The following SAR1B variants were observed in gnomAD, a reference collection of about 807,000 sequenced individuals.
The protein encoded by SAR1B is secretion associated Ras related GTPase 1B, also known as small COPII coat GTPase SAR1B.
SAR1B carries 23 observed loss-of-function variants against 26.8 expected under a neutral mutation model. That is an observed-to-expected ratio of 0.86 (90% CI 0.62 to 1.22). The LOEUF is 1.22. Among genes scored for constraint, SAR1B ranks in the 50% most tolerant of loss-of-function variants. The pLI is 0.00. For synonymous variants in SAR1B, 65 were observed against 80.8 expected (o/e 0.80, Z 1.05); for missense variants, 196 against 232.8 (o/e 0.84, Z 1.03).
intron 4 of SAR1B, among the ~76,000 whole-genome samples, chr5:134,611,339 C>T (rs910878057): frequency 6.6e-6 from 1 of 152,144 alleles, no homozygotes; most frequent in African/African-American, 2.4e-5. Context: ...TATGTCGCAT[C>T]AGGTTTTTAG....
chr5:134,609,911 A>T (rs1199009498), intron 4 of SAR1B, among the ~76,000 whole-genome samples: 1 of 151,716 alleles, frequency 6.6e-6, no homozygotes, highest in African/African-American at 2.4e-5. Context: ...TCCAATTATC[A>T]TATGTAAGGA....
At position 134,601,348 on chromosome 5, in the gene SAR1B, T is replaced by A. The variant is rs1461807740; in HGVS notation, c.*5602A>T. ...TATAAATTATCCTTAATAATCTGTATACACTGTAAAACAATTGAAAATTCA... is the reference window on the plus strand; with the variant it reads ...TATAAATTATCCTTAATAATCTGTAAACACTGTAAAACAATTGAAAATTCA... On this transcript the variant is annotated 3_prime_UTR_variant, in exon 7 of 7. Coordinates refer to ENST00000402673, the MANE Select transcript of SAR1B (RefSeq NM_016103.4). 6.6e-6 allele frequency: 1 copy of A among 152,184 alleles called. No homozygotes were observed. Among genetic ancestry groups the A allele is most frequent in the South Asian group, 2.1e-4 (1 of 4,834 alleles). 9.4% of individuals were successfully genotyped at this position (152,184 alleles called of 1,614,324 possible). A position where few individuals can be genotyped will look rare whatever the true frequency, so the allele number is the denominator to read the frequency against.
intron 3 of SAR1B, among the ~76,000 whole-genome samples, chr5:134,615,510 G>A (rs925153521): frequency 4.6e-4 from 69 of 150,360 alleles, no homozygotes; most frequent in African/African-American, 1.5e-3. Context: ...GAGAGATTCT[G>A]TCTGAAAATA....
intron 3 of SAR1B, among the ~76,000 whole-genome samples, chr5:134,617,996 A>G (rs1346129319): frequency 6.6e-6 from 1 of 151,648 alleles, no homozygotes; most frequent in Non-Finnish European, 1.5e-5. Context: ...TTACTTGCCA[A>G]GCCCCACTTT....
rs545392998 is a variant in SAR1B, at chr5:134,601,374, C to T, written c.*5576G>A. 1.3e-5 allele frequency: 2 copies of T among 152,248 alleles called. No individual in the cohort carries two copies. The highest frequency in any genetic ancestry group is 2.1e-4 in the South Asian group (1 of 4,828). The allele number at this position is 152,248 out of a possible 1,614,324, so 9.4% of individuals were successfully genotyped here. Reference sequence around the variant, plus strand: ...ACACTGTAAAACAATTGAAAATTCACACCAAGATCCTAGTGCAAGCAGTGG... The same window carrying T: ...ACACTGTAAAACAATTGAAAATTCATACCAAGATCCTAGTGCAAGCAGTGG... On this transcript the variant is annotated 3_prime_UTR_variant, in exon 7 of 7. Coordinates refer to ENST00000402673, the MANE Select transcript of SAR1B (RefSeq NM_016103.4).
Position 134,606,492 on chromosome 5 carries a change from T to G in SAR1B, c.*458A>C, listed in dbSNP as rs1200219788. The G allele has an allele frequency of 1.1e-5, 2 of 174,898 alleles. No individual in the cohort carries two copies. The highest frequency in any genetic ancestry group is 4.8e-5 in the African/African-American group (2 of 41,738). The allele number at this position is 174,898 out of a possible 1,614,324, so 10.8% of individuals were successfully genotyped here. A position where few individuals can be genotyped will look rare whatever the true frequency, so the allele number is the denominator to read the frequency against. On this transcript the variant is annotated 3_prime_UTR_variant, in exon 7 of 7. Transcript: ENST00000402673. Reference sequence around the variant, plus strand: ...CATAAGAAAAAAAGTTATTGAAAACTGTAAGGCATCATGCAATCATTGAAT... The same window carrying G: ...CATAAGAAAAAAAGTTATTGAAAACGGTAAGGCATCATGCAATCATTGAAT...
intron 1 of SAR1B, among the ~76,000 whole-genome samples, chr5:134,631,306 A>G (rs1401820229): frequency 6.6e-6 from 1 of 152,176 alleles, no homozygotes; most frequent in Non-Finnish European, 1.5e-5. Context: ...AACTCAGAAA[A>G]TGCCAATGAA....
chr5:134,621,512 A>C lies in SAR1B; in HGVS notation c.59-460T>G, dbSNP rs116507481. The stretch of plus-strand genomic sequence containing the variant: ...TAAATAAATAAATAAATAAATAAAT[A>C]AATCTATTCATGATTTGGGACTTCA... On this transcript the variant is annotated intron_variant, in intron 2 of 6. Coordinates refer to ENST00000402673, the MANE Select transcript of SAR1B (RefSeq NM_016103.4). 8.0e-3 allele frequency among the ~76,000 whole-genome samples: 955 copies of C among 119,860 alleles called. 6 individuals are homozygous for C. The highest frequency in any genetic ancestry group is 0.028 in the African/African-American group (910 of 32,634). The allele number at this position is 119,860 out of a possible 152,430, so 78.6% of individuals were successfully genotyped here. A position where few individuals can be genotyped will look rare whatever the true frequency, so the allele number is the denominator to read the frequency against.
At chr5:134,611,745 C>T (rs1765217377) in intron 4 of SAR1B, among the ~76,000 whole-genome samples, 1 of 151,994 alleles carries the variant, frequency 6.6e-6, no homozygotes, top group East Asian at 1.9e-4. Flanking sequence ...GCAGGGCATA[C>T]GCTGGGGCCT....
At position 134,603,963 on chromosome 5, in the gene SAR1B, G is replaced by C. The variant is rs1280817795; in HGVS notation, c.*2987C>G. ...TTAGGTCTGCACAGGCAGTATCTGT[G>C]TTCATATATCTTTGGCACTCATACA... On this transcript the variant is annotated 3_prime_UTR_variant, in exon 7 of 7. Coordinates refer to ENST00000402673, the MANE Select transcript of SAR1B (RefSeq NM_016103.4). 6.6e-6 allele frequency: 1 copy of C among 152,158 alleles called. No individual in the cohort carries two copies. Among genetic ancestry groups the C allele is most frequent in the Non-Finnish European group, 1.5e-5 (1 of 68,024 alleles). 9.4% of individuals were successfully genotyped at this position (152,158 alleles called of 1,614,324 possible).
intron 2 of SAR1B, among the ~76,000 whole-genome samples, chr5:134,621,601 C>T (rs1280904631): frequency 2.0e-5 from 3 of 152,028 alleles, no homozygotes; most frequent in African/African-American, 7.2e-5. Flanking sequence ...AACATATCTA[C>T]AATGCCAAAA....
intron 4 of SAR1B, among the ~76,000 whole-genome samples, chr5:134,611,424 T>C (rs907166789): frequency 2.6e-5 from 4 of 152,126 alleles, no homozygotes; most frequent in African/African-American, 7.2e-5. Context: ...CTTTTGGGGA[T>C]ATAAAAAATG....
intron 5 of SAR1B, chr5:134,608,858 A>C: frequency 2.7e-6 from 1 of 372,042 alleles, no homozygotes; most frequent in Non-Finnish European, 5.2e-6. Flanking sequence ...AGAGAGAATT[A>C]GGAACAGTAG....
chr5:134,631,398 T>A (rs1440175115), intron 1 of SAR1B, among the ~76,000 whole-genome samples: 1 of 152,226 alleles, frequency 6.6e-6, no homozygotes, highest in Admixed American at 6.5e-5. Flanking sequence ...ATAATCATGT[T>A]GCTTTGCTAT....
At chr5:134,616,600 A>T (rs1490498114) in intron 3 of SAR1B, among the ~76,000 whole-genome samples, 1 of 152,190 alleles carries the variant, frequency 6.6e-6, no homozygotes, top group Non-Finnish European at 1.5e-5. Context: ...TTTCTGCTTT[A>T]TAAAAGAAGT....
At position 134,624,051 on chromosome 5, in the gene SAR1B, G is replaced by A. The variant is rs1400872126; in HGVS notation, c.-18-14C>T. ...ATCTGATAGGGTCTGAAAAAAAAGA[G>A]TTTGAATTTAGTAGTCAACATTAAA... On this transcript the variant is annotated splice_polypyrimidine_tract_variant and intron_variant, in intron 1 of 6. Transcript: ENST00000402673. The A allele has an allele frequency of 2.7e-5, 41 of 1,505,918 alleles. No individual in the cohort carries two copies. Among genetic ancestry groups the A allele is most frequent in the Non-Finnish European group, 3.7e-5 (40 of 1,081,658 alleles). 93.3% of individuals were successfully genotyped at this position (1,505,918 alleles called of 1,614,324 possible). A position where few individuals can be genotyped will look rare whatever the true frequency, so the allele number is the denominator to read the frequency against.
rs1227937093 is a variant in SAR1B at position 134,604,732 on chromosome 5, T to C, written c.*2218A>G. 1 of 152,206 alleles carries C rather than the reference T, an allele frequency of 6.6e-6. No individual in the cohort carries two copies. Among genetic ancestry groups the C allele is most frequent in the East Asian group, 1.9e-4 (1 of 5,198 alleles). 9.4% of individuals were successfully genotyped at this position (152,206 alleles called of 1,614,324 possible). A position where few individuals can be genotyped will look rare whatever the true frequency, so the allele number is the denominator to read the frequency against. ...AAGATATATTACACCAGAAAGCATT[T>C]TTCCTGGCTAGAGAAACCAGTATGT... is the stretch of plus-strand genomic sequence containing the variant. On this transcript the variant is annotated 3_prime_UTR_variant, in exon 7 of 7. Coordinates refer to ENST00000402673, the MANE Select transcript of SAR1B (RefSeq NM_016103.4).
chr5:134,615,283 G>T (rs1308881062), intron 3 of SAR1B, among the ~76,000 whole-genome samples: 2 of 151,628 alleles, frequency 1.3e-5, no homozygotes, highest in East Asian at 3.9e-4. Context: ...TGGCGGCAGA[G>T]GTTGCAATGA....
At chr5:134,626,990 A>G (rs114915386) in intron 1 of SAR1B, among the ~76,000 whole-genome samples, 3,009 of 152,312 alleles carry the variant, frequency 0.02, 100 homozygotes, top group African/African-American at 0.067. Flanking sequence ...TTAAAAGCAA[A>G]TTTTAAAAAG....
Sources: allele counts gnomAD v4.1 joint callset (sites outside exome capture counted in the v4.1 genomes callset), GRCh38; gene constraint gnomAD v4.1.1; transcripts MANE v1.5; gene names NCBI Gene and HGNC (gene_info 2026-07-23, HGNC 2026-07-21).